The following MYO6 variants were observed in gnomAD, a reference collection of about 807,000 sequenced individuals.
MYO6 encodes myosin VI.
Under a neutral mutation model 178.7 loss-of-function variants are expected in MYO6, and 74 were observed. The ratio of observed to expected loss-of-function variants is 0.41; its 90% CI spans 0.34 to 0.50. MYO6 has a LOEUF of 0.50. Ranked by LOEUF, MYO6 falls within the 20% of genes least tolerant of loss-of-function variation. MYO6 has a pLI of 0.09. For synonymous variants in MYO6, 477 were observed against 504.6 expected (o/e 0.95, Z 0.73); for missense variants, 1,330 against 1,547.4 (o/e 0.86, Z 2.36).
chr6:75,852,509 T>C (rs1458303402), intron 11 of MYO6, among the ~76,000 whole-genome samples: 1 of 152,178 alleles, frequency 6.6e-6, no homozygotes, highest in East Asian at 1.9e-4. Context: ...TCACTCCTCA[T>C]TGCCCACTTC....
At chr6:75,760,808 T>C (rs1365069470) in intron 1 of MYO6, among the ~76,000 whole-genome samples, 2 of 152,060 alleles carry the variant, frequency 1.3e-5, no homozygotes, top group Non-Finnish European at 2.9e-5. Context: ...AAAAACATAT[T>C]GTTTATTTGG....
intron 7 of MYO6, among the ~76,000 whole-genome samples, chr6:75,836,178 C>G (rs965275390): frequency 2.6e-5 from 4 of 152,168 alleles, no homozygotes; most frequent in Admixed American, 6.5e-5. Flanking sequence ...TTTCATATTC[C>G]AAACCCTTAG....
At chr6:75,871,650 AC>A (rs957260494) in intron 19 of MYO6, among the ~76,000 whole-genome samples, 2 of 152,184 alleles carry the variant, frequency 1.3e-5, no homozygotes, top group Non-Finnish European at 2.9e-5. Flanking sequence ...AATTTTTGGA[AC>A]CATTAAAAAT....
chr6:75,888,550 A>G (rs1449830327), intron 25 of MYO6, among the ~76,000 whole-genome samples: 1 of 151,916 alleles, frequency 6.6e-6, no homozygotes, highest in Non-Finnish European at 1.5e-5. Context: ...TGGAGGTTGC[A>G]GTGAACAGAG....
intron 1 of MYO6, among the ~76,000 whole-genome samples, chr6:75,794,083 G>A (rs1269659770): frequency 6.6e-6 from 1 of 152,138 alleles, no homozygotes; most frequent in Non-Finnish European, 1.5e-5. Flanking sequence ...AAAATTTTCT[G>A]TGGAAGGGTT....
intron 1 of MYO6, among the ~76,000 whole-genome samples, chr6:75,783,611 A>G (rs1036577590): frequency 6.6e-6 from 1 of 150,830 alleles, no homozygotes; most frequent in African/African-American, 2.4e-5. Flanking sequence ...TAATGTTGAC[A>G]CATACCATAA....
chr6:75,764,891 C>T (rs1583002061), intron 1 of MYO6, among the ~76,000 whole-genome samples: 1 of 151,020 alleles, frequency 6.6e-6, no homozygotes, highest in African/African-American at 2.4e-5. Flanking sequence ...CCCAGCTACT[C>T]GGGAGGCTGA....
chr6:75,827,942 A>T (rs140308734), intron 3 of MYO6, among the ~76,000 whole-genome samples: 30 of 152,328 alleles, frequency 2.0e-4, no homozygotes, highest in African/African-American at 7.2e-4. Flanking sequence ...AAGGACTTGG[A>T]GAATAGATTG....
chr6:75,865,760 A>G (rs867766170), intron 16 of MYO6, among the ~76,000 whole-genome samples: 12 of 152,158 alleles, frequency 7.9e-5, no homozygotes, highest in Non-Finnish European at 1.6e-4. Context: ...CATGTGAGAT[A>G]TTATGATTAA....
At chr6:75,769,078 T>C (rs902032873) in intron 1 of MYO6, among the ~76,000 whole-genome samples, 4 of 152,200 alleles carry the variant, frequency 2.6e-5, no homozygotes, top group African/African-American at 9.6e-5. Flanking sequence ...CTCACTCATT[T>C]GTGGGGGTGG....
intron 3 of MYO6, among the ~76,000 whole-genome samples, chr6:75,824,790 C>T (rs1195028193): frequency 1.4e-5 from 2 of 146,336 alleles, no homozygotes; most frequent in African/African-American, 2.5e-5. Flanking sequence ...GAGACAGTCT[C>T]GCTCTGTCAC....
chr6:75,842,913 A>G (rs889510867), intron 9 of MYO6, among the ~76,000 whole-genome samples: 3 of 152,164 alleles, frequency 2.0e-5, no homozygotes, highest in Admixed American at 6.5e-5. Flanking sequence ...AAGGGCAGCT[A>G]TTGAAATATA....
chr6:75,782,993 C>T (rs183698884), intron 1 of MYO6, among the ~76,000 whole-genome samples: 83 of 149,960 alleles, frequency 5.5e-4, no homozygotes, highest in African/African-American at 2.0e-3. Flanking sequence ...CAGCTCACTG[C>T]AGCCTTGATC....
chr6:75,905,020 C>T (rs1780161294), intron 30 of MYO6, among the ~76,000 whole-genome samples: 2 of 152,184 alleles, frequency 1.3e-5, no homozygotes, highest in Non-Finnish European at 2.9e-5. Context: ...CTGGGGGTGC[C>T]TCCCAGTTAG....
intron 1 of MYO6, among the ~76,000 whole-genome samples, chr6:75,770,984 A>G (rs1482500086): frequency 6.6e-6 from 1 of 151,850 alleles, no homozygotes; most frequent in Non-Finnish European, 1.5e-5. Flanking sequence ...GCTATAAGAT[A>G]ACAGCACTTT....
rs1289830664 is a variant in MYO6 at position 75,796,524 on chromosome 6, T to G, written c.-47-20977T>G. Among the ~76,000 whole-genome samples, 3 of 152,174 alleles carry G rather than the reference T, an allele frequency of 2.0e-5. No individual in the cohort carries two copies. The South Asian group carries it at 6.2e-4, about 32-fold the overall frequency. ...CTACTGAGGTTTAGGGTATAGATGA[T>G]TTCATCACTCAGGTGGTGAGGACAG... On this transcript the variant is annotated intron_variant, in intron 1 of 34. Coordinates refer to ENST00000369977, the MANE Select transcript of MYO6 (RefSeq NM_004999.4).
Position 75,915,231 on chromosome 6 carries a change from A to G in MYO6, c.*219A>G, listed in dbSNP as rs1781059062. The G allele has an allele frequency of 3.5e-6, 2 of 574,732 alleles. No homozygotes were observed. Among genetic ancestry groups the G allele is most frequent in the Non-Finnish European group, 6.2e-6 (2 of 322,366 alleles). The allele number at this position is 574,732 out of a possible 1,614,324, so 35.6% of individuals were successfully genotyped here. A position where few individuals can be genotyped will look rare whatever the true frequency, so the allele number is the denominator to read the frequency against. On this transcript the variant is annotated 3_prime_UTR_variant, in exon 35 of 35. Transcript: ENST00000369977. Reference sequence around the variant, plus strand: ...TCTGTATCCCGCTGTAATTCCCAAAACTCTCATTATTCTCTAACTATTACA... The same window carrying G: ...TCTGTATCCCGCTGTAATTCCCAAAGCTCTCATTATTCTCTAACTATTACA...
chr6:75,870,792 A>T lies in MYO6; in HGVS notation c.1983+107A>T, dbSNP rs1777081581. On this transcript the variant is annotated intron_variant, in intron 19 of 34. Coordinates refer to ENST00000369977, the MANE Select transcript of MYO6 (RefSeq NM_004999.4). ...CCTGTACTAATTAAAAATACATTTT[A>T]AACTTTATTCTCTTATTTTAAAAAA... The T allele has an allele frequency of 3.5e-6, 3 of 866,822 alleles. No individual in the cohort carries two copies. The East Asian group carries it at 8.2e-5, about 24-fold the overall frequency. The allele number at this position is 866,822 out of a possible 1,614,324, so 53.7% of individuals were successfully genotyped here. A position where few individuals can be genotyped will look rare whatever the true frequency, so the allele number is the denominator to read the frequency against.
chr6:75,773,003 A>G (rs1766034769), intron 1 of MYO6, among the ~76,000 whole-genome samples: 1 of 152,200 alleles, frequency 6.6e-6, no homozygotes, highest in Non-Finnish European at 1.5e-5. Context: ...AGGTTTATCT[A>G]TATGTGTTTC....
Sources: allele counts gnomAD v4.1 joint callset (sites outside exome capture counted in the v4.1 genomes callset), GRCh38; gene constraint gnomAD v4.1.1; transcripts MANE v1.5; gene names NCBI Gene and HGNC (gene_info 2026-07-23, HGNC 2026-07-21).